Variants in VPS13D observed in about 807,000 individuals in gnomAD.
VPS13D encodes the protein vacuolar protein sorting 13 homolog D, also known as intermembrane lipid transfer protein VPS13D.
VPS13D carries 187 observed loss-of-function variants against 461.9 expected under a neutral mutation model. The ratio of observed to expected loss-of-function variants is 0.40; its 90% CI spans 0.36 to 0.46. The LOEUF is 0.46. VPS13D is among the 20% of genes least tolerant of loss of function. VPS13D has a pLI of 0.60. For missense variants in VPS13D, 4,711 were observed against 5,364.9 expected (o/e 0.88, Z 3.81); for synonymous variants, 1,951 against 1,986.3 (o/e 0.98, Z 0.47).
intron 65 of VPS13D, among the ~76,000 whole-genome samples, chr1:12,428,968 T>G (rs989801785): frequency 2.0e-5 from 3 of 152,184 alleles, no homozygotes; most frequent in African/African-American, 7.2e-5. Context: ...AGAAGTGCTG[T>G]GGGGCCAGGG....
chr1:12,287,185 T>C (rs1641999039), intron 21 of VPS13D, among the ~76,000 whole-genome samples: 1 of 152,152 alleles, frequency 6.6e-6, no homozygotes, highest in Admixed American at 6.5e-5. Flanking sequence ...AATTTCCCCA[T>C]GATGATCTCG....
At position 12,253,722 on chromosome 1, in the gene VPS13D, G is replaced by C. The variant is rs778723820; in HGVS notation, c.565G>C (p.Val189Leu). 6 of 1,612,306 alleles carry C rather than the reference G, an allele frequency of 3.7e-6. No individual in the cohort carries two copies. In the African/African-American group the frequency reaches 8.0e-5, roughly 22 times the overall value. Reference protein sequence around the residue: ...VSMQNAVNEPVQKLMRKKQLD... With the variant: ...VSMQNAVNEPLQKLMRKKQLD... The stretch of plus-strand genomic sequence containing the variant: ...TTCTTCTTTGTCTTTTTTACCTCAG[G>C]TACAGAAACTAATGCGGAAAAAGCA... The change falls in exon 7 of 70, where the codon GTA (valine) becomes CTA (leucine). Residue 189 changes from valine (V) to leucine (L), a missense_variant and splice_region_variant. Val to Leu is a conservative substitution (Grantham distance 32, BLOSUM62 1). Transcript: ENST00000620676.
At chr1:12,251,710 C>A (rs1206748600) in intron 6 of VPS13D, among the ~76,000 whole-genome samples, 1 of 152,170 alleles carries the variant, frequency 6.6e-6, no homozygotes, top group Non-Finnish European at 1.5e-5. Context: ...CACCAGACTT[C>A]TTTTTCTGAA....
At chr1:12,310,769 CTCCTTCCTTCCT>C (rs1204383278) in intron 27 of VPS13D, among the ~76,000 whole-genome samples, 1 of 146,320 alleles carries the variant, frequency 6.8e-6, no homozygotes, top group East Asian at 2.0e-4. Context: ...CCATTTCTTG[CTCCTTCCTTCCT>C]TCCTTCCTTC....
At position 12,363,079 on chromosome 1, in the gene VPS13D, C is replaced by A. The variant is rs1277338390; in HGVS notation, c.10280C>A (p.Ala3427Asp). The A allele has an allele frequency of 2.5e-6, 4 of 1,613,808 alleles. No individual in the cohort carries two copies. In the African/African-American group the frequency reaches 5.3e-5, roughly 22 times the overall value. ...QREFARGQGT[A>D]NPEGYISTLP... ...TGATCCTATGTGTTTTAGGGAACAG[C>A]CAATCCCGAAGGTTACATTTCCACC... The change falls in exon 52 of 70, where the codon GCC (alanine) becomes GAC (aspartate). Residue 3427 changes from alanine to aspartate, a missense_variant. Around this residue, in one of 3 missense-constraint regions of VPS13D, gnomAD observed 4,411 missense variants for 4,937.8 expected, o/e 0.89. Transcript: ENST00000620676.
chr1:12,482,934 A>G (rs1176103498), intron 67 of VPS13D, among the ~76,000 whole-genome samples: 2 of 152,106 alleles, frequency 1.3e-5, no homozygotes, highest in Non-Finnish European at 2.9e-5. Context: ...TTATAATACA[A>G]ATATTCCATA....
intron 2 of VPS13D, among the ~76,000 whole-genome samples, 173 bp downstream of exon 2, chr1:12,234,536 CTA>C (rs1478646944): frequency 3.3e-5 from 5 of 152,060 alleles, no homozygotes; most frequent in Admixed American, 6.6e-5. Context: ...AAGTTTATAG[CTA>C]TATTGTTGTA....
intron 67 of VPS13D, among the ~76,000 whole-genome samples, chr1:12,485,872 C>T (rs748334420): frequency 6.6e-6 from 1 of 152,124 alleles, no homozygotes; most frequent in East Asian, 1.9e-4. Flanking sequence ...CCAGGTTGAC[C>T]GTCGCAGCAC....
At chr1:12,407,078 G>A (rs746454499) in intron 63 of VPS13D, among the ~76,000 whole-genome samples, 7 of 152,122 alleles carry the variant, frequency 4.6e-5, no homozygotes, top group African/African-American at 1.4e-4. Flanking sequence ...ATAAAAACCA[G>A]ATTTGTTAAA....
chr1:12,246,594 G>A (rs2101218995), intron 5 of VPS13D, among the ~76,000 whole-genome samples: 1 of 152,306 alleles, frequency 6.6e-6, no homozygotes, highest in East Asian at 1.9e-4. Context: ...AAATGTCACA[G>A]TTGAATTGCT....
intron 68 of VPS13D, 68 bp downstream of exon 68, chr1:12,497,699 G>T (rs964600511): frequency 3.9e-6 from 6 of 1,535,374 alleles, no homozygotes; most frequent in Non-Finnish European, 5.3e-6. Flanking sequence ...ATCCTGAGAA[G>T]TCTCCATCTG....
rs572667278 is a variant in VPS13D at position 12,468,758 on chromosome 1, C to T, written c.12662+8362C>T. ...ACAATATACTCTAAAAGAGGCTGGG[C>T]GCGGTGGCTCACGCCTGTAATCCCA... On this transcript the variant is annotated intron_variant, in intron 67 of 69. Coordinates refer to ENST00000620676, the MANE Select transcript of VPS13D (RefSeq NM_015378.4). Among the ~76,000 whole-genome samples the T allele has an allele frequency of 2.6e-4, 40 of 152,236 alleles. 1 individual carries two copies. In the South Asian group the frequency reaches 3.9e-3, roughly 15 times the overall value.
chr1:12,345,536 G>A (rs2101583043), intron 43 of VPS13D, 27 bp downstream of exon 43: 1 of 1,593,796 alleles, frequency 6.3e-7, no homozygotes, highest in Non-Finnish European at 8.6e-7. Flanking sequence ...AAGTCAGATG[G>A]TTAAGCGACT....
chr1:12,335,895 A>T (rs1213861294), intron 39 of VPS13D, 68 bp downstream of exon 39: 2 of 1,600,748 alleles, frequency 1.2e-6, no homozygotes, highest in African/African-American at 1.3e-5. Flanking sequence ...TTCACTGAGA[A>T]ATTCAAATGG....
chr1:12,350,198 T>C (rs752574112), intron 46 of VPS13D, among the ~76,000 whole-genome samples: 2 of 152,186 alleles, frequency 1.3e-5, no homozygotes, highest in African/African-American at 2.4e-5. Flanking sequence ...GAGCTTGTTA[T>C]AATAGACATT....
intron 53 of VPS13D, 59 bp from the exon 54 acceptor site, chr1:12,369,408 C>G: frequency 1.3e-6 from 2 of 1,527,636 alleles, no homozygotes; most frequent in Non-Finnish European, 1.8e-6. Context: ...CACTGACTCA[C>G]TTTTCAGTAA....
chr1:12,498,971 A>G (rs1645998262), intron 68 of VPS13D, among the ~76,000 whole-genome samples: 1 of 152,182 alleles, frequency 6.6e-6, no homozygotes. Flanking sequence ...AACTCTGTCC[A>G]CAGCAGGTGT....
intron 65 of VPS13D, among the ~76,000 whole-genome samples, chr1:12,417,475 C>CT (rs1376746084): frequency 2.6e-5 from 4 of 152,178 alleles, no homozygotes; most frequent in African/African-American, 9.6e-5. Context: ...AAGAGCTCTG[C>CT]TTTTTTTCTC....
Position 12,318,242 on chromosome 1 carries a change from T to C in VPS13D, c.7319T>C (p.Ile2440Thr). 6.2e-7 allele frequency: 1 copy of C among 1,614,206 alleles called. No homozygotes were observed. ...RHRNSSSESA[I>T]VPKTVKSGVV... is the part of the protein sequence containing the mutation. ...CGTAACTCTAGCAGCGAATCTGCTATAGTTCCCAAAACTGTGAAGAGTGGA... is the reference window on the plus strand; with the variant it reads ...CGTAACTCTAGCAGCGAATCTGCTACAGTTCCCAAAACTGTGAAGAGTGGA... Residue 2440 changes from isoleucine to threonine, a missense_variant, in exon 31 of 70, where the codon ATA (isoleucine) becomes ACA (threonine). Ile to Thr is a moderately conservative substitution (Grantham distance 89). Transcript: ENST00000620676.
Sources: allele counts gnomAD v4.1 joint callset (sites outside exome capture counted in the v4.1 genomes callset), GRCh38; gene constraint gnomAD v4.1.1; regional missense constraint gnomAD v4.1.1; transcripts MANE v1.5; gene names NCBI Gene and HGNC (gene_info 2026-07-23, HGNC 2026-07-21).